Variants in ST8SIA6 observed in about 807,000 individuals in gnomAD.
ST8SIA6 encodes the protein alpha-2,8-sialyltransferase 8F.
Under a neutral mutation model 33.6 loss-of-function variants are expected in ST8SIA6, and 39 were observed. The ratio of observed to expected loss-of-function variants is 1.16; its 90% CI spans 0.90 to 1.52. The LOEUF (loss-of-function observed/expected upper bound fraction) is 1.52, where lower values mean the gene tolerates loss of function less well. Among genes scored for constraint, ST8SIA6 ranks in the 40% most tolerant of loss-of-function variants. The pLI is 0.00. For synonymous variants in ST8SIA6, 172 were observed against 167.2 expected, an observed-to-expected ratio of 1.03 and a Z score of -0.22; for missense variants, 441 against 443.8, an observed-to-expected ratio of 0.99 and a Z score of 0.06.
chr10:17,357,173 C>A (rs1038399400), intron 4 of ST8SIA6, among the ~76,000 whole-genome samples: 3 of 151,440 alleles, frequency 2.0e-5, no homozygotes, highest in Non-Finnish European at 4.4e-5. Context: ...TCTGTCATGT[C>A]ACCCAGGCTA....
chr10:17,373,248 ACTGT>A (rs1849791741), intron 3 of ST8SIA6, among the ~76,000 whole-genome samples: 1 of 152,282 alleles, frequency 6.6e-6, no homozygotes, highest in East Asian at 1.9e-4. Context: ...CTGTGCACAA[ACTGT>A]CTTTGTGTCC....
chr10:17,450,142 G>C (rs985586233), intron 2 of ST8SIA6, among the ~76,000 whole-genome samples: 5 of 152,198 alleles, frequency 3.3e-5, no homozygotes, highest in African/African-American at 1.2e-4. Context: ...GTCGCAGAGA[G>C]ACAACCCAAG....
chr10:17,348,496 A>G (rs1848923236), intron 4 of ST8SIA6, among the ~76,000 whole-genome samples: 1 of 152,194 alleles, frequency 6.6e-6, no homozygotes, highest in Admixed American at 6.5e-5. Context: ...CAATGCACGT[A>G]TATTTCAAGG....
intron 2 of ST8SIA6, among the ~76,000 whole-genome samples, chr10:17,443,753 A>G (rs1331979417): frequency 6.6e-6 from 1 of 152,220 alleles, no homozygotes; most frequent in African/African-American, 2.4e-5. Context: ...AGATAAATGT[A>G]CTACAGCAAT....
chr10:17,426,107 C>G (rs1483382289), intron 2 of ST8SIA6, among the ~76,000 whole-genome samples: 1 of 152,178 alleles, frequency 6.6e-6, no homozygotes, highest in Admixed American at 6.5e-5. Flanking sequence ...GGAAGCTCCA[C>G]CCTGCTGATA....
intron 4 of ST8SIA6, among the ~76,000 whole-genome samples, chr10:17,342,025 C>T (rs1342520216): frequency 6.6e-6 from 1 of 151,758 alleles, no homozygotes; most frequent in East Asian, 1.9e-4. Flanking sequence ...TCTTATACTT[C>T]ACAGCCTCCA....
intron 2 of ST8SIA6, among the ~76,000 whole-genome samples, chr10:17,443,996 C>T (rs1032341731): frequency 1.3e-5 from 2 of 152,188 alleles, no homozygotes; most frequent in Non-Finnish European, 2.9e-5. Context: ...CTTTCCTTTT[C>T]TTCCTTTCAT....
intron 4 of ST8SIA6, among the ~76,000 whole-genome samples, chr10:17,352,377 G>C (rs887661937): frequency 6.6e-6 from 1 of 152,048 alleles, no homozygotes; most frequent in African/African-American, 2.4e-5. Context: ...AGAATATGAT[G>C]ATTAAAGCAA....
intron 2 of ST8SIA6, among the ~76,000 whole-genome samples, chr10:17,410,945 CTG>C (rs1232037195): frequency 6.6e-6 from 1 of 152,128 alleles, no homozygotes; most frequent in Non-Finnish European, 1.5e-5. Flanking sequence ...CTTAGGTAAA[CTG>C]TAATTAGGAA....
intron 2 of ST8SIA6, among the ~76,000 whole-genome samples, chr10:17,419,491 C>G (rs895385632): frequency 2.6e-5 from 4 of 151,912 alleles, no homozygotes; most frequent in African/African-American, 9.7e-5. Flanking sequence ...GTTTGTGCCA[C>G]TGCACTCCAG....
intron 2 of ST8SIA6, among the ~76,000 whole-genome samples, chr10:17,444,536 CT>C (rs920210310): frequency 1.6e-4 from 25 of 152,278 alleles, no homozygotes; most frequent in African/African-American, 6.0e-4. Flanking sequence ...AGGGCATTTC[CT>C]TGTGTCCTTC....
In ST8SIA6 at chr10:17,316,295, A is replaced by G. The variant is rs574166549; in HGVS notation, c.*4583T>C. Among the ~76,000 whole-genome samples the G allele has an allele frequency of 5.9e-5, 9 of 152,098 alleles. No individual in the cohort carries two copies. The highest frequency in any genetic ancestry group is 8.8e-5 in the Non-Finnish European group (6 of 67,896). On this transcript the variant is annotated 3_prime_UTR_variant, in exon 8 of 8. Coordinates refer to ENST00000377602, the MANE Select transcript of ST8SIA6 (RefSeq NM_001004470.3). ...AAAGCTTTTGTTTTCCCTTTATGCT[A>G]AATTTAAAGGACATACCCTTATTTC...
intron 2 of ST8SIA6, among the ~76,000 whole-genome samples, chr10:17,421,086 T>C (rs886631431): frequency 7.9e-5 from 12 of 152,118 alleles, no homozygotes; most frequent in African/African-American, 2.9e-4. Flanking sequence ...TACATGGGGA[T>C]GACAATTTGA....
At chr10:17,347,088 G>A (rs536310907) in intron 4 of ST8SIA6, among the ~76,000 whole-genome samples, 2 of 152,240 alleles carry the variant, frequency 1.3e-5, no homozygotes, top group Admixed American at 1.3e-4. Context: ...CATTATCAAC[G>A]GAAAGCGCCT....
chr10:17,366,369 A>G (rs1040176387), intron 3 of ST8SIA6, among the ~76,000 whole-genome samples: 126 of 152,146 alleles, frequency 8.3e-4, no homozygotes, highest in African/African-American at 2.2e-3. Flanking sequence ...GAAGATGCCA[A>G]TGTACTTCTT....
In ST8SIA6 at chr10:17,348,438, T is replaced by C. The variant is rs181987055; in HGVS notation, c.377+11076A>G. 5.1e-3 allele frequency among the ~76,000 whole-genome samples: 782 copies of C among 152,294 alleles called. 3 individuals are homozygous for C. The highest frequency in any genetic ancestry group is 0.013 in the Admixed American group (196 of 15,310). ...TAAAAGGTCTCATTATTTCATGAAC[T>C]TCAATTTACCAGGCCAAGTCCTAAC... is the stretch of plus-strand genomic sequence containing the variant. On this transcript the variant is annotated intron_variant, in intron 4 of 7. Coordinates refer to ENST00000377602, the MANE Select transcript of ST8SIA6 (RefSeq NM_001004470.3).
At position 17,317,954 on chromosome 10, in the gene ST8SIA6, T is replaced by C. The variant is rs1201484111; in HGVS notation, c.*2924A>G. Reference sequence around the variant, plus strand: ...GACTTCAAGGATGTTCGAGGATTATTACACTGCGCAAAAATTAACACTATG... The same window carrying C: ...GACTTCAAGGATGTTCGAGGATTATCACACTGCGCAAAAATTAACACTATG... On this transcript the variant is annotated 3_prime_UTR_variant, in exon 8 of 8. Transcript: ENST00000377602. Among the ~76,000 whole-genome samples the C allele has an allele frequency of 6.6e-6, 1 of 152,216 alleles. No homozygotes were observed. Among genetic ancestry groups the C allele is most frequent in the Non-Finnish European group, 1.5e-5 (1 of 68,046 alleles).
At chr10:17,419,603 A>T (rs1173013576) in intron 2 of ST8SIA6, among the ~76,000 whole-genome samples, 1 of 152,216 alleles carries the variant, frequency 6.6e-6, no homozygotes, top group Non-Finnish European at 1.5e-5. Flanking sequence ...TGCCTCCTTT[A>T]TGGCTAGATG....
intron 4 of ST8SIA6, among the ~76,000 whole-genome samples, chr10:17,358,298 T>G (rs61842069): frequency 0.015 from 2,306 of 152,144 alleles, 34 homozygotes; most frequent in Non-Finnish European, 0.02. Flanking sequence ...ACCAGCATAT[T>G]CTGACTAAAG....
Sources: allele counts gnomAD v4.1 joint callset (sites outside exome capture counted in the v4.1 genomes callset), GRCh38; gene constraint gnomAD v4.1.1; transcripts MANE v1.5; gene names NCBI Gene and HGNC (gene_info 2026-07-23, HGNC 2026-07-21).